The following PACRG variants were observed in gnomAD, a reference collection of about 807,000 sequenced individuals.
PACRG encodes parkin coregulated gene protein.
Under a neutral mutation model 29.7 loss-of-function variants are expected in PACRG, and 29 were observed. The observed-to-expected ratio is 0.98, with a 90% CI of 0.73 to 1.33. PACRG has a LOEUF of 1.33. Among genes scored for constraint, PACRG ranks in the 40% most tolerant of loss-of-function variants. The pLI is 0.00. For missense variants in PACRG, 279 were observed against 316.2 expected (o/e 0.88, Z 0.89); for synonymous variants, 116 against 118.7 (o/e 0.98, Z 0.15).
At chr6:162,866,205 A>G (rs1792285353) in intron 2 of PACRG, among the ~76,000 whole-genome samples, 1 of 152,210 alleles carries the variant, frequency 6.6e-6, no homozygotes, top group Admixed American at 6.5e-5. Flanking sequence ...GTGAGGGATG[A>G]AAAATACTTG....
In PACRG at chr6:163,002,826, C is replaced by T. The variant is rs183909242; in HGVS notation, c.292-59324C>T. 1.6e-3 allele frequency among the ~76,000 whole-genome samples: 241 copies of T among 152,304 alleles called. 1 individual carries two copies. Among genetic ancestry groups the T allele is most frequent in the African/African-American group, 5.5e-3 (227 of 41,564 alleles). ...GGTCTACCTATTAGTGACTGCCAGA[C>T]CTCAGAGAACCTTGACTCCTCTGCA... On this transcript the variant is annotated intron_variant, in intron 2 of 4. Coordinates refer to ENST00000366888, the MANE Select transcript of PACRG (RefSeq NM_001080379.2).
intron 2 of PACRG, among the ~76,000 whole-genome samples, chr6:163,006,029 G>A (rs1805058718): frequency 7.2e-6 from 1 of 138,164 alleles, no homozygotes; most frequent in Admixed American, 7.3e-5. Flanking sequence ...CATTATATAT[G>A]TTATATATAA....
chr6:163,115,948 G>A (rs1050118255), intron 4 of PACRG, among the ~76,000 whole-genome samples: 1 of 152,224 alleles, frequency 6.6e-6, no homozygotes, highest in Non-Finnish European at 1.5e-5. Flanking sequence ...TGGAAGAAAA[G>A]CTATTCATGC....
chr6:163,157,835 A>G (rs1199572017), intron 4 of PACRG, among the ~76,000 whole-genome samples: 1 of 152,174 alleles, frequency 6.6e-6, no homozygotes, highest in East Asian at 1.9e-4. Flanking sequence ...ACCTTTCTTG[A>G]GTGTTCAATA....
intron 2 of PACRG, among the ~76,000 whole-genome samples, chr6:162,972,597 A>G (rs1272333194): frequency 6.6e-6 from 1 of 152,202 alleles, no homozygotes; most frequent in African/African-American, 2.4e-5. Context: ...TGCAGATTGG[A>G]TATATCAGTA....
chr6:162,808,700 G>T (rs1273843545), intron 1 of PACRG, among the ~76,000 whole-genome samples: 3 of 152,086 alleles, frequency 2.0e-5, no homozygotes, highest in African/African-American at 4.8e-5. Flanking sequence ...AAAGCATTCT[G>T]CTGTAACATC....
chr6:163,208,091 A>G (rs374522393), intron 4 of PACRG, among the ~76,000 whole-genome samples: 79 of 152,324 alleles, frequency 5.2e-4, no homozygotes, highest in African/African-American at 1.8e-3. Context: ...TGTCTACATG[A>G]GCATAACTTA....
intron 2 of PACRG, among the ~76,000 whole-genome samples, chr6:163,043,751 G>A (rs2128239468): frequency 6.6e-6 from 1 of 152,282 alleles, no homozygotes; most frequent in East Asian, 1.9e-4. Context: ...TATGTGTTTT[G>A]GCTATAGGTT....
chr6:162,782,196 G>A (rs998979233), intron 1 of PACRG, among the ~76,000 whole-genome samples: 1 of 151,884 alleles, frequency 6.6e-6, no homozygotes. Flanking sequence ...AAAGGAATCA[G>A]TTTATCAAGA....
chr6:163,194,512 C>T (rs568748346), intron 4 of PACRG, among the ~76,000 whole-genome samples: 14 of 152,248 alleles, frequency 9.2e-5, no homozygotes, highest in South Asian at 8.3e-4. Flanking sequence ...CTCTGGGCTG[C>T]ACAAGCCACA....
At chr6:162,791,754 G>A (rs565730052) in intron 1 of PACRG, among the ~76,000 whole-genome samples, 31 of 152,274 alleles carry the variant, frequency 2.0e-4, no homozygotes, top group Admixed American at 2.0e-3. Flanking sequence ...CTGCATTCTA[G>A]AAGGAGGATG....
At chr6:162,956,073 T>G (rs1018457458) in intron 2 of PACRG, among the ~76,000 whole-genome samples, 1 of 152,174 alleles carries the variant, frequency 6.6e-6, no homozygotes, top group Non-Finnish European at 1.5e-5. Flanking sequence ...CATACCCTGT[T>G]GCTTGCACTG....
At chr6:163,165,985 CA>C in intron 4 of PACRG, 1 of 412,154 alleles carries the variant, frequency 2.4e-6, no homozygotes, top group Non-Finnish European at 4.9e-6. Flanking sequence ...TAATATAATA[CA>C]ATTTCTCTTA....
At position 163,149,005 on chromosome 6, in the gene PACRG, T is replaced by C. The variant is rs1777953059; in HGVS notation, c.613+59597T>C. ...GGTGGAAAAATGTCCCTGACGTCTG[T>C]TGAAAACAGTCAGGCCCTGCTGGAG... On this transcript the variant is annotated intron_variant, in intron 4 of 4. Transcript: ENST00000366888. Among the ~76,000 whole-genome samples, 3 of 127,722 alleles carry C rather than the reference T, an allele frequency of 2.3e-5. No individual in the cohort carries two copies. In the South Asian group the frequency reaches 7.7e-4, roughly 33 times the overall value. 83.8% of individuals were successfully genotyped at this position (127,722 alleles called of 152,430 possible).
chr6:162,831,320 T>C (rs886428181), intron 2 of PACRG, among the ~76,000 whole-genome samples: 2 of 152,198 alleles, frequency 1.3e-5, no homozygotes, highest in East Asian at 1.9e-4. Context: ...AAATATTTCA[T>C]TCGACAAGTA....
At chr6:162,824,256 G>A (rs1316064662) in intron 2 of PACRG, among the ~76,000 whole-genome samples, 1 of 152,120 alleles carries the variant, frequency 6.6e-6, no homozygotes, top group Non-Finnish European at 1.5e-5. Flanking sequence ...TAGCAGGCTG[G>A]TGGCCTAGTC....
chr6:163,289,405 C>T lies in PACRG; in HGVS notation c.614-25422C>T, dbSNP rs74693853. Among the ~76,000 whole-genome samples the T allele has an allele frequency of 7.9e-5, 12 of 152,288 alleles. No individual in the cohort carries two copies. The East Asian group carries it at 2.1e-3, about 27-fold the overall frequency. On this transcript the variant is annotated intron_variant, in intron 4 of 4. Transcript: ENST00000366888. ...ATAGGTTAAGAGTAGTTGTTGTTCT[C>T]ATATGAATCTTGAGTCAGTTTTTCT...
intron 2 of PACRG, among the ~76,000 whole-genome samples, chr6:162,954,394 T>C (rs1799867426): frequency 6.6e-6 from 1 of 151,926 alleles, no homozygotes; most frequent in Non-Finnish European, 1.5e-5. Flanking sequence ...CTTCCCTCAC[T>C]TAGACTTACA....
chr6:163,020,768 G>A (rs1362104404), intron 2 of PACRG, among the ~76,000 whole-genome samples: 2 of 151,808 alleles, frequency 1.3e-5, no homozygotes, highest in Admixed American at 1.3e-4. Flanking sequence ...ATACTTTGCA[G>A]TCTGAGCTTA....
Sources: gnomAD v4.1 joint callset for allele counts (sites outside exome capture counted in the v4.1 genomes callset) on GRCh38, gnomAD v4.1.1 for gene constraint, MANE v1.5 for transcripts, NCBI Gene and HGNC (gene_info 2026-07-23, HGNC 2026-07-21) for gene names.